The following RBM33 variants were observed in gnomAD, a reference collection of about 807,000 sequenced individuals.
The protein encoded by RBM33 is RNA-binding protein 33.
A neutral mutation model predicts 132.6 loss-of-function variants in RBM33; 28 were observed. That is an observed-to-expected ratio of 0.21 (90% confidence interval 0.16 to 0.29). RBM33 has a LOEUF of 0.29. RBM33 is among the 10% of genes least tolerant of loss of function. The probability of loss-of-function intolerance (pLI) is 1.00; values close to 1 mark genes in which losing one functional copy is unlikely to be tolerated. For missense variants in RBM33, 1,291 were observed against 1,518.5 expected, an observed-to-expected ratio of 0.85 and a Z score of 2.49; for synonymous variants, 634 against 593.0, an observed-to-expected ratio of 1.07 and a Z score of -1.01.
chr7:155,695,892 ATTAATTTTAG>A (rs1436352285), intron 5 of RBM33, among the ~76,000 whole-genome samples: 1 of 152,172 alleles, frequency 6.6e-6, no homozygotes, highest in Non-Finnish European at 1.5e-5. Flanking sequence ...ACTTTACAGT[ATTAATTTTAG>A]TTAAGATTAT....
intron 1 of RBM33, among the ~76,000 whole-genome samples, chr7:155,650,244 C>A (rs1269548776): frequency 6.6e-6 from 1 of 152,210 alleles, no homozygotes; most frequent in Non-Finnish European, 1.5e-5. Context: ...GGTCACAATG[C>A]ACAATCACAA....
chr7:155,764,219 C>G (rs573358379), intron 15 of RBM33, among the ~76,000 whole-genome samples: 1 of 152,292 alleles, frequency 6.6e-6, no homozygotes, highest in Non-Finnish European at 1.5e-5. Flanking sequence ...TTTCACAGAG[C>G]AAACCCAGAA....
intron 9 of RBM33, among the ~76,000 whole-genome samples, chr7:155,722,102 G>T (rs757057360): frequency 6.6e-6 from 1 of 152,110 alleles, no homozygotes; most frequent in Non-Finnish European, 1.5e-5. Context: ...AGATATGCAC[G>T]TTAGTTCTGA....
intron 15 of RBM33, among the ~76,000 whole-genome samples, chr7:155,766,160 G>A (rs1262535965): frequency 2.9e-5 from 4 of 138,724 alleles, no homozygotes; most frequent in South Asian, 2.4e-4. Flanking sequence ...CAGCCCTGAC[G>A]GGTGCCTGAT....
chr7:155,731,129 G>A (rs76205218), intron 9 of RBM33, among the ~76,000 whole-genome samples: 1 of 152,330 alleles, frequency 6.6e-6, no homozygotes, highest in Non-Finnish European at 1.5e-5. Context: ...TCCGCTCAGA[G>A]TGGAGTGGAG....
At chr7:155,752,153 A>G (rs1000469516) in intron 14 of RBM33, among the ~76,000 whole-genome samples, 1 of 152,246 alleles carries the variant, frequency 6.6e-6, no homozygotes, top group Non-Finnish European at 1.5e-5. Flanking sequence ...CTGGTGCAAG[A>G]AGATGTTCGA....
At chr7:155,677,243 G>A (rs923842622) in intron 3 of RBM33, among the ~76,000 whole-genome samples, 18 of 149,882 alleles carry the variant, frequency 1.2e-4, no homozygotes, top group Non-Finnish European at 2.4e-4. Context: ...TTTTGAGATG[G>A]AGTTTCGTTC....
intron 1 of RBM33, among the ~76,000 whole-genome samples, chr7:155,652,054 G>A (rs2095185149): frequency 6.6e-6 from 1 of 152,138 alleles, no homozygotes; most frequent in African/African-American, 2.4e-5. Context: ...AAAGTTATTG[G>A]ACATTACCTG....
chr7:155,733,336 G>A (rs1019513470), intron 9 of RBM33, among the ~76,000 whole-genome samples: 2 of 136,350 alleles, frequency 1.5e-5, no homozygotes, highest in African/African-American at 5.7e-5. Flanking sequence ...CCCCCACTGC[G>A]TTTTTATTAT....
At chr7:155,760,292 ATTGC>A (rs1164688863) in intron 14 of RBM33, among the ~76,000 whole-genome samples, 10 of 152,182 alleles carry the variant, frequency 6.6e-5, no homozygotes, top group African/African-American at 2.2e-4. Context: ...GCTGATTTAG[ATTGC>A]TTAAGTTCAT....
Position 155,718,450 on chromosome 7 carries a change from A to G in RBM33, c.1260+7A>G, listed in dbSNP as rs1302770379. ...GGGACCCCAGAGATTCCCAGTGAGT[A>G]GCAGCTGCTCCTTCTCCTTTGATAG... On this transcript the variant is annotated splice_region_variant and intron_variant, in intron 9 of 17. Coordinates refer to ENST00000401878, the MANE Select transcript of RBM33 (RefSeq NM_053043.3). 1.2e-6 allele frequency: 2 copies of G among 1,612,890 alleles called. No individual in the cohort carries two copies. Among genetic ancestry groups the G allele is most frequent in the Non-Finnish European group, 8.5e-7 (1 of 1,178,948 alleles).
intron 14 of RBM33, among the ~76,000 whole-genome samples, chr7:155,753,010 T>C (rs1401267754): frequency 1.3e-5 from 2 of 152,156 alleles, no homozygotes; most frequent in African/African-American, 4.8e-5. Flanking sequence ...TTCAGGTACA[T>C]TATAAATGTT....
chr7:155,659,656 G>GA (rs940840757), intron 1 of RBM33, among the ~76,000 whole-genome samples: 10 of 151,832 alleles, frequency 6.6e-5, no homozygotes, highest in African/African-American at 2.4e-4. Flanking sequence ...GAAATTGACA[G>GA]AAAAAAAATC....
chr7:155,684,983 G>C, intron 5 of RBM33: 1 of 1,550,558 alleles, frequency 6.4e-7, no homozygotes, highest in South Asian at 1.2e-5. Flanking sequence ...TGCAAGAGCA[G>C]GAAGACTGTG....
chr7:155,735,652 C>T (rs939205911), intron 9 of RBM33, among the ~76,000 whole-genome samples: 7 of 151,684 alleles, frequency 4.6e-5, no homozygotes, highest in African/African-American at 1.2e-4. Flanking sequence ...GAGCTGATTG[C>T]GCCACTGCAC....
rs1802231058 is a variant in RBM33, at chr7:155,766,668, G to T, written c.3375+13G>T. ...GGGACCCATTCAGGTAGCCGCCTGG[G>T]GGTGGCATCTGTGCCACGGGTAGTT... On this transcript the variant is annotated intron_variant, in intron 16 of 17. Transcript: ENST00000401878. 6.2e-7 allele frequency: 1 copy of T among 1,603,982 alleles called. No individual in the cohort carries two copies. Among genetic ancestry groups the T allele is most frequent in the Admixed American group, 1.7e-5 (1 of 58,336 alleles).
At chr7:155,673,768 G>GCGCACACACACACACACACA (rs1554469952) in intron 3 of RBM33, among the ~76,000 whole-genome samples, 39 of 132,978 alleles carry the variant, frequency 2.9e-4, no homozygotes, top group African/African-American at 3.2e-4. Context: ...GCGCATGCGC[G>GCGCACACACACACACACACA]CACACACACA....
chr7:155,724,358 A>G (rs1454260920), intron 9 of RBM33, among the ~76,000 whole-genome samples: 1 of 152,098 alleles, frequency 6.6e-6, no homozygotes, highest in East Asian at 1.9e-4. Flanking sequence ...GTGAAACCTC[A>G]TCTCTACTAA....
Position 155,777,243 on chromosome 7 carries a change from T to G in RBM33, c.*2202T>G, listed in dbSNP as rs567343993. On this transcript the variant is annotated 3_prime_UTR_variant, in exon 18 of 18. Coordinates refer to ENST00000401878, the MANE Select transcript of RBM33 (RefSeq NM_053043.3). Reference sequence around the variant, plus strand: ...AAGGTCTGTTTTGGTGTTACCTGAGTGTGACACAGGCCCTGGGGTGTGCGT... The same window carrying G: ...AAGGTCTGTTTTGGTGTTACCTGAGGGTGACACAGGCCCTGGGGTGTGCGT... 1 of 152,516 alleles carries G rather than the reference T, an allele frequency of 6.6e-6. No individual in the cohort carries two copies. The highest frequency in any genetic ancestry group is 1.5e-5 in the Non-Finnish European group (1 of 68,022). The allele number at this position is 152,516 out of a possible 1,614,324, so 9.4% of individuals were successfully genotyped here. A position where few individuals can be genotyped will look rare whatever the true frequency, so the allele number is the denominator to read the frequency against.
Sources: allele counts gnomAD v4.1 joint callset (sites outside exome capture counted in the v4.1 genomes callset), GRCh38; gene constraint gnomAD v4.1.1; transcripts MANE v1.5; gene names NCBI Gene and HGNC (gene_info 2026-07-23, HGNC 2026-07-21).